RSPO3: variants seen among roughly 807,000 people sequenced by gnomAD.
RSPO3 encodes R-spondin 3.
Under a neutral mutation model 36.5 loss-of-function variants are expected in RSPO3, and 17 were observed. The ratio of observed to expected loss-of-function variants is 0.47; its 90% CI spans 0.32 to 0.70. RSPO3 has a LOEUF of 0.70. Ranked by LOEUF, RSPO3 falls within the 30% of genes least tolerant of loss-of-function variation. The pLI is 0.04. For synonymous variants in RSPO3, 108 were observed against 107.0 expected, an observed-to-expected ratio of 1.01 and a Z score of -0.06; for missense variants, 294 against 322.5, an observed-to-expected ratio of 0.91 and a Z score of 0.68.
chr6:127,161,407 C>T (rs1774708227), intron 4 of RSPO3, among the ~76,000 whole-genome samples: 1 of 152,084 alleles, frequency 6.6e-6, no homozygotes, highest in Non-Finnish European at 1.5e-5. Context: ...TCATGCCTTG[C>T]ATTCCTTGAT....
chr6:127,192,633 C>T, intron 4 of RSPO3: 1 of 984,636 alleles, frequency 1.0e-6, no homozygotes, highest in African/African-American at 1.7e-5. Flanking sequence ...TCTACCCAAA[C>T]ACCCTCATAG....
At chr6:127,171,995 T>C (rs1294096302) in intron 4 of RSPO3, among the ~76,000 whole-genome samples, 4 of 151,332 alleles carry the variant, frequency 2.6e-5, no homozygotes, top group Non-Finnish European at 5.9e-5. Flanking sequence ...AGGACCTGAA[T>C]GTATGTATTG....
rs1482383199 is a variant in RSPO3, at chr6:127,197,172, CA to C, written c.*1166del. ...GTAATTCAGAATATATTACATTTCT[CA>C]GTAATATTTGTTTTTTGAATCCACC... On this transcript the variant is annotated 3_prime_UTR_variant, in exon 5 of 5. Transcript: ENST00000356698. 34 of 401,518 alleles carry C rather than the reference CA, an allele frequency of 8.5e-5. No individual in the cohort carries two copies. The highest frequency in any genetic ancestry group is 6.0e-4 in the African/African-American group (30 of 49,868). 24.9% of individuals were successfully genotyped at this position (401,518 alleles called of 1,614,324 possible). A position where few individuals can be genotyped will look rare whatever the true frequency, so the allele number is the denominator to read the frequency against.
At chr6:127,177,507 T>C (rs939498817) in intron 4 of RSPO3, among the ~76,000 whole-genome samples, 1 of 151,796 alleles carries the variant, frequency 6.6e-6, no homozygotes, top group African/African-American at 2.4e-5. Flanking sequence ...TGGAATCAAT[T>C]TGAGATTAGC....
Position 127,192,765 on chromosome 6 carries a change from C to T in RSPO3, c.635-3058C>T, listed in dbSNP as rs974381001. Reference sequence around the variant, plus strand: ...TGAATATTCAGTGAATGGCAAAGCACACGTGTGTGTGTATATATATATGTG... The same window carrying T: ...TGAATATTCAGTGAATGGCAAAGCATACGTGTGTGTGTATATATATATGTG... On this transcript the variant is annotated intron_variant, in intron 4 of 4. Transcript: ENST00000356698. 28 of 743,850 alleles carry T rather than the reference C, an allele frequency of 3.8e-5. No individual in the cohort carries two copies. In the African/African-American group the frequency reaches 3.8e-4, roughly 10 times the overall value. 46.1% of individuals were successfully genotyped at this position (743,850 alleles called of 1,614,324 possible).
chr6:127,133,480 T>C (rs1398170527), intron 1 of RSPO3, among the ~76,000 whole-genome samples: 2 of 152,228 alleles, frequency 1.3e-5, no homozygotes, highest in African/African-American at 4.8e-5. Flanking sequence ...GATTTGATTG[T>C]ATCCACTATA....
Position 127,197,298 on chromosome 6 carries a change from C to T in RSPO3, c.*1291C>T, listed in dbSNP as rs1775534308. ...TTCTAATTATAGACACATGGGCCTC[C>T]CTAGCTGATTTCACTGCTCCCCCTT... On this transcript the variant is annotated 3_prime_UTR_variant, in exon 5 of 5. Transcript: ENST00000356698. 5 of 1,195,790 alleles carry T rather than the reference C, an allele frequency of 4.2e-6. No individual in the cohort carries two copies. Among genetic ancestry groups the T allele is most frequent in the Admixed American group, 2.5e-5 (1 of 39,920 alleles). 74.1% of individuals were successfully genotyped at this position (1,195,790 alleles called of 1,614,324 possible).
At chr6:127,153,117 A>T (rs1012428594) in intron 3 of RSPO3, among the ~76,000 whole-genome samples, 3 of 152,062 alleles carry the variant, frequency 2.0e-5, no homozygotes, top group African/African-American at 7.2e-5. Flanking sequence ...ACCGGAGCTC[A>T]TTACCTTTAT....
At chr6:127,173,209 A>G (rs911686483) in intron 4 of RSPO3, among the ~76,000 whole-genome samples, 18 of 151,984 alleles carry the variant, frequency 1.2e-4, no homozygotes, top group African/African-American at 3.9e-4. Context: ...TCAAATAACA[A>G]ACTTAACTAT....
chr6:127,168,020 G>C (rs1050950712), intron 4 of RSPO3, among the ~76,000 whole-genome samples: 3 of 151,790 alleles, frequency 2.0e-5, no homozygotes, highest in Non-Finnish European at 4.4e-5. Flanking sequence ...TTATTGGGTT[G>C]GTTCCAAGTC....
chr6:127,195,162 T>C (rs191185034), intron 4 of RSPO3, among the ~76,000 whole-genome samples: 3 of 152,252 alleles, frequency 2.0e-5, no homozygotes, highest in Non-Finnish European at 2.9e-5. Context: ...ATGAGCCAGA[T>C]AAAAATCTCT....
rs75285525 is a variant in RSPO3 at position 127,181,265 on chromosome 6, T to C, written c.635-14558T>C. Among the ~76,000 whole-genome samples the C allele has an allele frequency of 5.3e-3, 811 of 151,968 alleles. 8 individuals carry two copies. The highest frequency in any genetic ancestry group is 0.019 in the African/African-American group (785 of 41,504). ...TTTAAAATGTATCTTGAATGATGTATGTAGGTAAGGGGTGATCTTCAAGAT... is the reference window on the plus strand; with the variant it reads ...TTTAAAATGTATCTTGAATGATGTACGTAGGTAAGGGGTGATCTTCAAGAT... On this transcript the variant is annotated intron_variant, in intron 4 of 4. Coordinates refer to ENST00000356698, the MANE Select transcript of RSPO3 (RefSeq NM_032784.5).
chr6:127,144,643 G>GTTTTTTTTTTGTTTTT (rs1554220624), intron 1 of RSPO3, among the ~76,000 whole-genome samples: 1 of 99,130 alleles, frequency 1.0e-5, no homozygotes, highest in African/African-American at 4.2e-5. Flanking sequence ...GCTTCCCCTT[G>GTTTTTTTTTTGTTTTT]TTTTTTTTTT....
intron 1 of RSPO3, among the ~76,000 whole-genome samples, chr6:127,144,766 C>T (rs1377931346): frequency 6.6e-6 from 1 of 150,816 alleles, no homozygotes; most frequent in Non-Finnish European, 1.5e-5. Flanking sequence ...GGATTACAGA[C>T]GTGCACCACC....
At chr6:127,159,054 TTTTA>T (rs1436038047) in intron 4 of RSPO3, among the ~76,000 whole-genome samples, 20 of 152,232 alleles carry the variant, frequency 1.3e-4, no homozygotes, top group Non-Finnish European at 2.5e-4. Flanking sequence ...GGTTGCCAGG[TTTTA>T]TTTATTGACT....
Position 127,155,252 on chromosome 6 carries a change from G to A in RSPO3, c.448G>A (p.Val150Ile), listed in dbSNP as rs777896682. 29 of 1,613,650 alleles carry A rather than the reference G, an allele frequency of 1.8e-5. No individual in the cohort carries two copies. The highest frequency in any genetic ancestry group is 2.3e-5 in the Non-Finnish European group (27 of 1,179,788). ...MECVSIVHCE[V>I]SEWNPWSPCT... ...CTGTTCTGTTTCAGTGCACTGTGAGGTCAGTGAATGGAATCCTTGGAGTCC... is the reference window on the plus strand; with the variant it reads ...CTGTTCTGTTTCAGTGCACTGTGAGATCAGTGAATGGAATCCTTGGAGTCC... The change falls in exon 4 of 5, where the codon GTC (valine) becomes ATC (isoleucine). Residue 150 changes from valine (V) to isoleucine (I), a missense_variant. Physicochemically the swap from Val to Ile is conservative, Grantham distance 29 (BLOSUM62 3). Coordinates refer to ENST00000356698, the MANE Select transcript of RSPO3 (RefSeq NM_032784.5).
intron 1 of RSPO3, among the ~76,000 whole-genome samples, chr6:127,128,665 G>C (rs147340345): frequency 6.6e-6 from 1 of 152,158 alleles, no homozygotes; most frequent in African/African-American, 2.4e-5. Context: ...AAAGTATTCT[G>C]ATACTGTTGA....
At chr6:127,175,646 T>G (rs1046236268) in intron 4 of RSPO3, among the ~76,000 whole-genome samples, 1 of 151,774 alleles carries the variant, frequency 6.6e-6, no homozygotes, top group Non-Finnish European at 1.5e-5. Context: ...CCTGTCAACA[T>G]TGCAGAGGCC....
At chr6:127,181,963 T>C (rs1400578676) in intron 4 of RSPO3, among the ~76,000 whole-genome samples, 2 of 151,830 alleles carry the variant, frequency 1.3e-5, no homozygotes, top group Non-Finnish European at 2.9e-5. Flanking sequence ...ACAAGAAGCA[T>C]GGCACCAGTA....
Sources: gnomAD v4.1 joint callset for allele counts (sites outside exome capture counted in the v4.1 genomes callset) on GRCh38, gnomAD v4.1.1 for gene constraint, MANE v1.5 for transcripts, NCBI Gene and HGNC (gene_info 2026-07-23, HGNC 2026-07-21) for gene names.